Variants in CSMD1 observed in about 807,000 individuals in gnomAD.
The protein encoded by CSMD1 is CUB and Sushi multiple domains 1, also known as CUB and sushi domain-containing protein 1.
Under a neutral mutation model 417.5 loss-of-function variants are expected in CSMD1, and 213 were observed. The observed-to-expected ratio is 0.51, with a 90% confidence interval of 0.46 to 0.57. The LOEUF (loss-of-function observed/expected upper bound fraction) is 0.57. Among genes scored for constraint, CSMD1 ranks in the 20% least tolerant of loss-of-function variants. CSMD1 has a pLI of 0.00. For missense variants in CSMD1, 6,923 were observed against 4,529.7 expected, an observed-to-expected ratio of 1.53 and a Z score of -15.17; for synonymous variants, 2,862 against 1,736.8, an observed-to-expected ratio of 1.65 and a Z score of -16.11.
chr8:4,553,109 T>C (rs1175524551), intron 2 of CSMD1, among the ~76,000 whole-genome samples: 1 of 152,222 alleles, frequency 6.6e-6, no homozygotes, highest in Admixed American at 6.5e-5. Context: ...AAGATAGTTT[T>C]CGAGGTACCT....
chr8:4,088,464 C>A (rs533786074), intron 3 of CSMD1, among the ~76,000 whole-genome samples: 2 of 152,300 alleles, frequency 1.3e-5, no homozygotes, highest in East Asian at 3.9e-4. Flanking sequence ...CTATCCATTC[C>A]CCAACATCTC....
intron 2 of CSMD1, among the ~76,000 whole-genome samples, chr8:4,473,427 C>G (rs990886602): frequency 6.6e-6 from 1 of 152,148 alleles, no homozygotes; most frequent in African/African-American, 2.4e-5. Flanking sequence ...GTCAGCTTAC[C>G]TGAGTATTAT....
chr8:4,764,899 AAC>A (rs1469468873), intron 1 of CSMD1, among the ~76,000 whole-genome samples: 70 of 7,736 alleles, frequency 9.0e-3, no homozygotes, highest in African/African-American at 0.028. Context: ...AAAAAACAAC[AAC>A]AACAAAAAAA....
intron 7 of CSMD1, among the ~76,000 whole-genome samples, chr8:3,685,369 C>T (rs1229290775): frequency 6.6e-6 from 1 of 152,128 alleles, no homozygotes; most frequent in Admixed American, 6.5e-5. Context: ...GTTACCTAAA[C>T]ACCAGGGGTC....
intron 3 of CSMD1, among the ~76,000 whole-genome samples, chr8:4,097,823 CCTGT>C (rs1316706383): frequency 5.3e-5 from 8 of 152,104 alleles, no homozygotes; most frequent in East Asian, 1.9e-4. Flanking sequence ...TTATGTTTGC[CCTGT>C]CTATTGTTTC....
intron 5 of CSMD1, among the ~76,000 whole-genome samples, chr8:3,833,266 T>C (rs550267730): frequency 3.9e-5 from 6 of 152,240 alleles, no homozygotes; most frequent in African/African-American, 1.4e-4. Flanking sequence ...TATCTGCATT[T>C]TGTCATTACA....
Position 3,343,316 on chromosome 8 carries a change from T to G in CSMD1, c.3609A>C (p.Gln1203His), listed in dbSNP as rs780470375. The G allele has an allele frequency of 6.2e-7, 1 of 1,613,752 alleles. No homozygotes were observed. Among genetic ancestry groups the G allele is most frequent in the Non-Finnish European group, 8.5e-7 (1 of 1,179,716 alleles). Residue 1203 changes from glutamine (Q) to histidine (H), a missense_variant, in exon 23 of 70, where the codon CAA (glutamine) becomes CAC (histidine). By Grantham distance (24) the Gln-to-His change is conservative (BLOSUM62 0). Coordinates refer to ENST00000635120, the MANE Select transcript of CSMD1 (RefSeq NM_033225.6). Reference sequence around the variant, plus strand: ...TACTGGTATAGGTGAGTTGAAAACCTTGGTCGGTGTCAGATCCATTGGTGT... The same window carrying G: ...TACTGGTATAGGTGAGTTGAAAACCGTGGTCGGTGTCAGATCCATTGGTGT... ...EFNTNGSDTD[Q>H]GFQLTYTSFD...
intron 12 of CSMD1, among the ~76,000 whole-genome samples, chr8:3,427,686 CT>C (rs1813943347): frequency 6.6e-6 from 1 of 152,074 alleles, no homozygotes; most frequent in Non-Finnish European, 1.5e-5. Flanking sequence ...CACTTTATCC[CT>C]TTTATCAACT....
chr8:3,678,809 G>A (rs1328856432), intron 7 of CSMD1, among the ~76,000 whole-genome samples: 2 of 152,158 alleles, frequency 1.3e-5, no homozygotes, highest in Non-Finnish European at 2.9e-5. Context: ...TACCCACAAA[G>A]GGAAGCCCAT....
rs561293571 is a variant in CSMD1, at chr8:4,139,627, G to A, written c.416-107528C>T. On this transcript the variant is annotated intron_variant, in intron 3 of 69. Coordinates refer to ENST00000635120, the MANE Select transcript of CSMD1 (RefSeq NM_033225.6). ...GACAAGGAGCAGAGGAAGGGCATTT[G>A]GAATAGTGGGACCAGCAGATGCAAG... Among the ~76,000 whole-genome samples the A allele has an allele frequency of 2.0e-5, 3 of 151,272 alleles. No individual in the cohort carries two copies. In the South Asian group the frequency reaches 6.2e-4, roughly 31 times the overall value.
At chr8:4,070,353 A>C (rs1037863482) in intron 3 of CSMD1, among the ~76,000 whole-genome samples, 2 of 152,092 alleles carry the variant, frequency 1.3e-5, no homozygotes, top group Admixed American at 1.3e-4. Context: ...ATTAACCAAA[A>C]TATTTACCAC....
At position 4,152,568 on chromosome 8, in the gene CSMD1, T is replaced by C. The variant is rs1199591403; in HGVS notation, c.416-120469A>G. On this transcript the variant is annotated intron_variant, in intron 3 of 69. Coordinates refer to ENST00000635120, the MANE Select transcript of CSMD1 (RefSeq NM_033225.6). ...AGCTAGTCATGGTGGTGCACACTTG[T>C]GTTCCCAACTCCTTGGGAGGCTTAA... Among the ~76,000 whole-genome samples the C allele has an allele frequency of 2.6e-5, 4 of 151,248 alleles. No homozygotes were observed. The East Asian group carries it at 5.8e-4, about 22-fold the overall frequency.
chr8:3,878,307 T>C (rs4302871), intron 5 of CSMD1, among the ~76,000 whole-genome samples: 38,163 of 152,014 alleles, frequency 0.25, 5,952 homozygotes, highest in African/African-American at 0.44. Context: ...TCCCAGTGTA[T>C]AATATTCTCT....
chr8:3,753,090 G>A (rs1009874316), intron 6 of CSMD1, among the ~76,000 whole-genome samples: 8 of 152,152 alleles, frequency 5.3e-5, no homozygotes, highest in Admixed American at 3.9e-4. Context: ...CTCTGGCACT[G>A]CAGGGCTTGG....
intron 2 of CSMD1, among the ~76,000 whole-genome samples, chr8:4,542,126 T>C (rs978205631): frequency 6.6e-6 from 1 of 151,878 alleles, no homozygotes; most frequent in Non-Finnish European, 1.5e-5. Flanking sequence ...ACTCAACAGT[T>C]TGGGCAAGTA....
rs1797519127 is a variant in CSMD1, at chr8:4,425,862, A to G, written c.303-5797T>C. On this transcript the variant is annotated intron_variant, in intron 2 of 69. Transcript: ENST00000635120. ...TTTAGTATATGCAACGTTACTGATA[A>G]ACTTTGAATATTTCAACAAAATATG... 2.0e-5 allele frequency among the ~76,000 whole-genome samples: 3 copies of G among 152,090 alleles called. 1 individual carries two copies. In the South Asian group the frequency reaches 6.2e-4, roughly 32 times the overall value.
At chr8:4,035,355 T>C (rs912723212) in intron 3 of CSMD1, among the ~76,000 whole-genome samples, 2 of 152,226 alleles carry the variant, frequency 1.3e-5, no homozygotes, top group Non-Finnish European at 2.9e-5. Flanking sequence ...TACTATACTA[T>C]ACTTTTTATC....
At chr8:4,860,131 A>T (rs1285340739) in intron 1 of CSMD1, among the ~76,000 whole-genome samples, 1 of 151,676 alleles carries the variant, frequency 6.6e-6, no homozygotes, top group Non-Finnish European at 1.5e-5. Context: ...TGAAATTGGA[A>T]ATCATCATTC....
chr8:4,407,096 T>C (rs917991340), intron 3 of CSMD1, among the ~76,000 whole-genome samples: 2 of 152,202 alleles, frequency 1.3e-5, no homozygotes, highest in Non-Finnish European at 1.5e-5. Context: ...GCTTTCATAC[T>C]GTAGCAGCAG....
Sources: allele counts gnomAD v4.1 joint callset (sites outside exome capture counted in the v4.1 genomes callset), GRCh38; gene constraint gnomAD v4.1.1; transcripts MANE v1.5; gene names NCBI Gene and HGNC (gene_info 2026-07-23, HGNC 2026-07-21).